Variants in ZFP14 observed in about 807,000 individuals in gnomAD.
ZFP14 encodes the protein ZFP14 zinc finger protein, also known as zinc finger protein 14 homolog.
A neutral mutation model predicts 54.5 loss-of-function variants in ZFP14; 22 were observed. That is an observed-to-expected ratio of 0.40 (90% confidence interval 0.29 to 0.58). The LOEUF (loss-of-function observed/expected upper bound fraction) is 0.58, where lower values mean the gene tolerates loss of function less well. Among genes scored for constraint, ZFP14 ranks in the 20% least tolerant of loss-of-function variants. The pLI, the probability that ZFP14 is intolerant of heterozygous loss-of-function variation, is 0.39. For missense variants in ZFP14, 470 were observed against 637.8 expected (o/e 0.74, Z 2.83); for synonymous variants, 159 against 204.0 (o/e 0.78, Z 1.88).
intron 2 of ZFP14, among the ~76,000 whole-genome samples, chr19:36,367,073 G>C (rs2145560001): frequency 6.6e-6 from 1 of 151,708 alleles, no homozygotes; most frequent in African/African-American, 2.4e-5. Context: ...AGAATTGCTT[G>C]AACCCAGAAG....
At chr19:36,360,668 G>C in intron 3 of ZFP14, 135 bp from the exon 4 acceptor site, 1 of 706,134 alleles carries the variant, frequency 1.4e-6, no homozygotes, top group Non-Finnish European at 2.2e-6. Flanking sequence ...CAAGGGAGTT[G>C]AAGAATGCTC....
intron 2 of ZFP14, among the ~76,000 whole-genome samples, chr19:36,364,794 A>G (rs1309347227): frequency 6.6e-6 from 1 of 152,118 alleles, no homozygotes; most frequent in African/African-American, 2.4e-5. Context: ...CAGTCAGATA[A>G]GACCAAATTC....
intron 4 of ZFP14, among the ~76,000 whole-genome samples, chr19:36,351,329 T>C (rs1259359666): frequency 7.3e-6 from 1 of 137,312 alleles, no homozygotes; most frequent in African/African-American, 2.7e-5. Flanking sequence ...CGAAACCCCG[T>C]CTCTACTAAA....
intron 1 of ZFP14, among the ~76,000 whole-genome samples, chr19:36,369,969 G>A (rs2031855597): frequency 1.3e-5 from 2 of 152,070 alleles, no homozygotes; most frequent in South Asian, 4.1e-4. Flanking sequence ...CAAGCAGTTG[G>A]GACTATAGTT....
intron 4 of ZFP14, among the ~76,000 whole-genome samples, chr19:36,357,323 G>A (rs2031632145): frequency 6.6e-6 from 1 of 152,172 alleles, no homozygotes; most frequent in African/African-American, 2.4e-5. Flanking sequence ...GATTACAGAT[G>A]TAAGCCACTG....
chr19:36,366,141 G>A (rs1011286727), intron 2 of ZFP14, among the ~76,000 whole-genome samples: 13 of 151,772 alleles, frequency 8.6e-5, no homozygotes, highest in African/African-American at 1.9e-4. Context: ...GGTGGTGGGC[G>A]CCTGTAACTC....
At chr19:36,354,237 G>C (rs1379869577) in intron 4 of ZFP14, among the ~76,000 whole-genome samples, 2 of 139,574 alleles carry the variant, frequency 1.4e-5, no homozygotes, top group South Asian at 2.3e-4. Context: ...CAAGCACGGT[G>C]GTGGGCACCT....
intron 2 of ZFP14, among the ~76,000 whole-genome samples, chr19:36,366,426 C>T (rs576053317): frequency 4.6e-5 from 7 of 152,294 alleles, no homozygotes; most frequent in South Asian, 2.1e-4. Context: ...TCTAGTCATT[C>T]GCCCACCTCA....
chr19:36,343,124 G>A (rs2031352673), intron 4 of ZFP14, among the ~76,000 whole-genome samples: 1 of 152,196 alleles, frequency 6.6e-6, no homozygotes, highest in Non-Finnish European at 1.5e-5. Context: ...TTTAAACTAT[G>A]CAGAGGTGTT....
At chr19:36,355,451 G>A (rs2031597472) in intron 4 of ZFP14, among the ~76,000 whole-genome samples, 1 of 142,488 alleles carries the variant, frequency 7.0e-6, no homozygotes, top group Non-Finnish European at 1.6e-5. Context: ...GCAGAGGTAT[G>A]AGGATCACTT....
intron 4 of ZFP14, among the ~76,000 whole-genome samples, chr19:36,345,628 T>C (rs545569886): frequency 1.3e-5 from 2 of 152,318 alleles, no homozygotes; most frequent in African/African-American, 4.8e-5. Flanking sequence ...GACTACAGTA[T>C]AAATGTGTAA....
chr19:36,356,768 T>A (rs2145552511), intron 4 of ZFP14, among the ~76,000 whole-genome samples: 1 of 152,332 alleles, frequency 6.6e-6, no homozygotes, highest in Middle Eastern at 3.4e-3. Flanking sequence ...TCACTCAGCA[T>A]AATTTCCTTG....
At chr19:36,357,628 A>G (rs1386920001) in intron 4 of ZFP14, among the ~76,000 whole-genome samples, 1 of 152,182 alleles carries the variant, frequency 6.6e-6, no homozygotes, top group Non-Finnish European at 1.5e-5. Flanking sequence ...ATGACCCTTT[A>G]GTGCGTGTGT....
intron 1 of ZFP14, chr19:36,378,210 G>C (rs1328994569): frequency 6.6e-6 from 1 of 152,208 alleles, no homozygotes; most frequent in Non-Finnish European, 1.5e-5. Flanking sequence ...GGTGAGATTA[G>C]GAGAGGCAGG....
At chr19:36,372,430 T>C (rs565827848) in intron 1 of ZFP14, among the ~76,000 whole-genome samples, 10 of 151,944 alleles carry the variant, frequency 6.6e-5, no homozygotes, top group African/African-American at 2.4e-4. Flanking sequence ...AAGGAGACAT[T>C]ACAACTGATA....
intron 4 of ZFP14, among the ~76,000 whole-genome samples, chr19:36,356,791 GTTGT>G (rs2031621898): frequency 6.6e-6 from 1 of 152,080 alleles, no homozygotes; most frequent in East Asian, 1.9e-4. Context: ...ATTCACCCAA[GTTGT>G]TGCATGTATC....
At chr19:36,366,525 C>T (rs750428407) in intron 2 of ZFP14, among the ~76,000 whole-genome samples, 4 of 152,184 alleles carry the variant, frequency 2.6e-5, no homozygotes, top group East Asian at 3.9e-4. Flanking sequence ...CCTTGTTGCC[C>T]GGGATGGTCT....
In ZFP14 at chr19:36,349,240, AAAC is replaced by A. The variant is rs1224989458; in HGVS notation, c.236-7653_236-7651del. Reference sequence around the variant, plus strand: ...GAGGGGAACTCTGTCTCAAAAAAAAAAACAAAAAAAAAAAAACAAAAAAAAAAA... The same window carrying A: ...GAGGGGAACTCTGTCTCAAAAAAAAAAAAAAAAAAAAAACAAAAAAAAAAA... On this transcript the variant is annotated intron_variant, in intron 4 of 4. Transcript: ENST00000270001. 3.0e-3 allele frequency among the ~76,000 whole-genome samples: 116 copies of A among 38,574 alleles called. 3 individuals are homozygous for A. Among genetic ancestry groups the A allele is most frequent in the African/African-American group, 0.017 (102 of 6,062 alleles). The allele number at this position is 38,574 out of a possible 152,430, so 25.3% of individuals were successfully genotyped here. A position where few individuals can be genotyped will look rare whatever the true frequency, so the allele number is the denominator to read the frequency against.
intron 1 of ZFP14, among the ~76,000 whole-genome samples, chr19:36,368,603 T>C (rs1297075963): frequency 6.6e-6 from 1 of 152,204 alleles, no homozygotes; most frequent in Non-Finnish European, 1.5e-5. Context: ...CTCAGATTTG[T>C]TCTGAGCAGC....
Sources: allele counts gnomAD v4.1 joint callset (sites outside exome capture counted in the v4.1 genomes callset), GRCh38; gene constraint gnomAD v4.1.1; transcripts MANE v1.5; gene names NCBI Gene and HGNC (gene_info 2026-07-23, HGNC 2026-07-21).